The following NR1D2 variants were observed in gnomAD, a reference collection of about 807,000 sequenced individuals.
The protein encoded by NR1D2 is nuclear receptor subfamily 1 group D member 2.
Under a neutral mutation model 52.2 loss-of-function variants are expected in NR1D2, and 25 were observed. The ratio of observed to expected loss-of-function variants is 0.48; its 90% CI spans 0.35 to 0.67. The LOEUF (loss-of-function observed/expected upper bound fraction) is 0.67. NR1D2 is among the 30% of genes least tolerant of loss of function. The pLI is 0.01. For synonymous variants in NR1D2, 259 were observed against 230.1 expected (o/e 1.13, Z -1.14); for missense variants, 681 against 707.2 (o/e 0.96, Z 0.42).
At chr3:23,945,682 T>A in intron 1 of NR1D2, 88 bp downstream of exon 1, 1 of 180,416 alleles carries the variant, frequency 5.5e-6, no homozygotes, top group Non-Finnish European at 1.0e-5. Flanking sequence ...GCAGGGGGTG[T>A]CCCCATGGCC....
At position 23,978,961 on chromosome 3, in the gene NR1D2, C is replaced by T. The variant is rs542097029; in HGVS notation, c.*1542C>T. On this transcript the variant is annotated 3_prime_UTR_variant, in exon 8 of 8. Coordinates refer to ENST00000312521, the MANE Select transcript of NR1D2 (RefSeq NM_005126.5). Reference sequence around the variant, plus strand: ...ATTTTATGTATGTTTTCCTGTTTACCTGGAAAATAGCAATTAATTGGATTT... The same window carrying T: ...ATTTTATGTATGTTTTCCTGTTTACTTGGAAAATAGCAATTAATTGGATTT... The T allele has an allele frequency of 3.3e-5, 5 of 152,038 alleles. No individual in the cohort carries two copies. Among genetic ancestry groups the T allele is most frequent in the East Asian group, 3.9e-4 (2 of 5,190 alleles). The allele number at this position is 152,038 out of a possible 1,614,324, so 9.4% of individuals were successfully genotyped here.
chr3:23,973,643 T>A (rs972165249), intron 7 of NR1D2, among the ~76,000 whole-genome samples: 1 of 152,168 alleles, frequency 6.6e-6, no homozygotes, highest in Non-Finnish European at 1.5e-5. Context: ...ACACGTACGG[T>A]ACACTAAATT....
intron 4 of NR1D2, 96 bp from the exon 5 acceptor site, chr3:23,961,881 C>A: frequency 8.8e-7 from 1 of 1,141,396 alleles, no homozygotes; most frequent in Non-Finnish European, 1.2e-6. Flanking sequence ...ATATGTATGA[C>A]TAGAGGCCAT....
intron 4 of NR1D2, 67 bp from the exon 5 acceptor site, chr3:23,961,910 T>G: frequency 7.0e-7 from 1 of 1,423,562 alleles, no homozygotes; most frequent in Non-Finnish European, 9.4e-7. Context: ...GATAATTTTG[T>G]GTTATTCTTT....
chr3:23,953,476 T>A (rs1706000856), intron 1 of NR1D2, among the ~76,000 whole-genome samples: 1 of 151,944 alleles, frequency 6.6e-6, no homozygotes, highest in Non-Finnish European at 1.5e-5. Context: ...GTTATTCTGG[T>A]ATAGCATGCA....
In NR1D2 at chr3:23,977,197, A is replaced by G. The variant is rs565538279; in HGVS notation, c.1544-26A>G. Reference sequence around the variant, plus strand: ...GTTAATAATTTATCCTGTTTTTCCTATTTCCCTATTCCTGATCTCTCTTAG... The same window carrying G: ...GTTAATAATTTATCCTGTTTTTCCTGTTTCCCTATTCCTGATCTCTCTTAG... On this transcript the variant is annotated intron_variant, in intron 7 of 7. Coordinates refer to ENST00000312521, the MANE Select transcript of NR1D2 (RefSeq NM_005126.5). The G allele has an allele frequency of 1.1e-5, 14 of 1,279,296 alleles. 1 individual carries two copies. The highest frequency in any genetic ancestry group is 6.8e-5 in the South Asian group (3 of 43,832). 79.2% of individuals were successfully genotyped at this position (1,279,296 alleles called of 1,614,324 possible).
intron 7 of NR1D2, among the ~76,000 whole-genome samples, chr3:23,972,395 T>C (rs747083708): frequency 6.6e-6 from 1 of 152,204 alleles, no homozygotes; most frequent in Non-Finnish European, 1.5e-5. Context: ...GAGAAAAATC[T>C]CAAACATGAT....
At chr3:23,961,337 C>A (rs1706236321) in intron 4 of NR1D2, among the ~76,000 whole-genome samples, 1 of 148,410 alleles carries the variant, frequency 6.7e-6, no homozygotes, top group African/African-American at 2.5e-5. Flanking sequence ...TACTGGTCTG[C>A]TTCAAACTGG....
At chr3:23,960,160 A>G (rs1028000773) in intron 4 of NR1D2, among the ~76,000 whole-genome samples, 4 of 152,054 alleles carry the variant, frequency 2.6e-5, no homozygotes, top group East Asian at 3.9e-4. Flanking sequence ...CGTAATCCCA[A>G]CACTTTGGGA....
chr3:23,952,309 C>G (rs1444264494), intron 1 of NR1D2, among the ~76,000 whole-genome samples: 1 of 152,148 alleles, frequency 6.6e-6, no homozygotes, highest in African/African-American at 2.4e-5. Context: ...ACCTCATGAT[C>G]GAGTCCAGGC....
chr3:23,953,342 CAAAAAAAAAA>C (rs55698030), intron 1 of NR1D2, among the ~76,000 whole-genome samples: 7 of 52,440 alleles, frequency 1.3e-4, no homozygotes, highest in East Asian at 1.4e-3. Flanking sequence ...GACTCTGTCT[CAAAAAAAAAA>C]AAAAAAAAAA....
chr3:23,963,096 G>A (rs918426994), intron 5 of NR1D2: 1 of 300,764 alleles, frequency 3.3e-6, no homozygotes, highest in African/African-American at 2.3e-5. Context: ...ATAAATTTAG[G>A]AGTATTTTAA....
chr3:23,954,200 C>T (rs1706021718), intron 1 of NR1D2, among the ~76,000 whole-genome samples: 1 of 152,084 alleles, frequency 6.6e-6, no homozygotes, highest in East Asian at 1.9e-4. Context: ...GTAGAAACAG[C>T]ATTACCTTAT....
chr3:23,956,113 C>T lies in NR1D2; in HGVS notation c.360C>T (p.Cys120=), dbSNP rs61732085. 8,600 of 1,612,538 alleles carry T rather than the reference C, an allele frequency of 5.3e-3. 399 individuals are homozygous for T. In the African/African-American group the frequency reaches 0.095, roughly 18 times the overall value. The change falls in exon 3 of 8, where the codon TGC becomes TGT. Residue 120 remains cysteine (C), a synonymous_variant. Coordinates refer to ENST00000312521, the MANE Select transcript of NR1D2 (RefSeq NM_005126.5). ...GATTCCACTATGGAGTTCATGCTTG[C>T]GAAGGCTGTAAGGTAAAGCATGCTT... is the stretch of plus-strand genomic sequence containing the variant. ...ASGFHYGVHA[C]EGCKGFFRRS...
chr3:23,954,925 T>G, intron 2 of NR1D2, 122 bp downstream of exon 2: 1 of 828,438 alleles, frequency 1.2e-6, no homozygotes. Flanking sequence ...TGCTGGGTAA[T>G]CATACATCAG....
In NR1D2 at chr3:23,945,587, G is replaced by A. The variant is rs1365933125; in HGVS notation, c.9G>A (p.Val3=). The change falls in exon 1 of 8, where the codon GTG becomes GTA. Residue 3 remains valine (V), a synonymous_variant. Coordinates refer to ENST00000312521, the MANE Select transcript of NR1D2 (RefSeq NM_005126.5). Reference sequence around the variant, plus strand: ...GCCTCCGCGAGGGCACCATGGAGGTGAATGCAGGTAAGAACCGGACTGCGG... The same window carrying A: ...GCCTCCGCGAGGGCACCATGGAGGTAAATGCAGGTAAGAACCGGACTGCGG... ME[V]NAGGVIAYIS... is the part of the protein sequence containing the mutation. 8.6e-7 allele frequency: 1 copy of A among 1,166,628 alleles called. No homozygotes were observed. Among genetic ancestry groups the A allele is most frequent in the Non-Finnish European group, 1.1e-6 (1 of 938,794 alleles). The allele number at this position is 1,166,628 out of a possible 1,614,324, so 72.3% of individuals were successfully genotyped here. A position where few individuals can be genotyped will look rare whatever the true frequency, so the allele number is the denominator to read the frequency against.
rs1293902066 is a variant in NR1D2, at chr3:23,979,344, A to G, written c.*1925A>G. On this transcript the variant is annotated 3_prime_UTR_variant, in exon 8 of 8. Coordinates refer to ENST00000312521, the MANE Select transcript of NR1D2 (RefSeq NM_005126.5). The stretch of plus-strand genomic sequence containing the variant: ...TTATCTTTTTATAATTTTTTTTCCT[A>G]AGATAAACAAATGCATAGTTTTCTT... 6.6e-6 allele frequency: 1 copy of G among 152,052 alleles called. No individual in the cohort carries two copies. The highest frequency in any genetic ancestry group is 1.9e-4 in the East Asian group (1 of 5,200). 9.4% of individuals were successfully genotyped at this position (152,052 alleles called of 1,614,324 possible).
At chr3:23,947,481 G>T (rs1041726160) in intron 1 of NR1D2, among the ~76,000 whole-genome samples, 1 of 152,206 alleles carries the variant, frequency 6.6e-6, no homozygotes, top group Non-Finnish European at 1.5e-5. Flanking sequence ...GAAGTGAACA[G>T]GCTCTTGTGG....
At chr3:23,961,903 A>G (rs1706257326) in intron 4 of NR1D2, 74 bp from the exon 5 acceptor site, 3 of 1,375,404 alleles carry the variant, frequency 2.2e-6, no homozygotes, top group Non-Finnish European at 2.9e-6. Flanking sequence ...ACTGTTGGAT[A>G]ATTTTGTGTT....
Sources: gnomAD v4.1 joint callset for allele counts (sites outside exome capture counted in the v4.1 genomes callset) on GRCh38, gnomAD v4.1.1 for gene constraint, MANE v1.5 for transcripts, NCBI Gene and HGNC (gene_info 2026-07-23, HGNC 2026-07-21) for gene names.